DLG2: variants seen among roughly 807,000 people sequenced by gnomAD.
DLG2 encodes the protein discs large MAGUK scaffold protein 2.
DLG2 carries 45 observed loss-of-function variants against 132.5 expected under a neutral mutation model. The observed-to-expected ratio is 0.34, with a 90% confidence interval of 0.27 to 0.44. DLG2 has a LOEUF of 0.44. Among genes scored for constraint, DLG2 ranks in the 20% least tolerant of loss-of-function variants. The pLI is 1.00. For synonymous variants in DLG2, 424 were observed against 419.6 expected, an observed-to-expected ratio of 1.01 and a Z score of -0.13; for missense variants, 1,045 against 1,196.9, an observed-to-expected ratio of 0.87 and a Z score of 1.87.
At chr11:85,392,519 T>C (rs2086888464) in intron 3 of DLG2, among the ~76,000 whole-genome samples, 1 of 151,368 alleles carries the variant, frequency 6.6e-6, no homozygotes, top group Admixed American at 6.6e-5. Flanking sequence ...AGGAACATTA[T>C]ATAATGAAAA....
intron 8 of DLG2, among the ~76,000 whole-genome samples, chr11:84,218,982 C>T (rs565864349): frequency 2.4e-4 from 37 of 152,266 alleles, no homozygotes; most frequent in Middle Eastern, 3.4e-3. Context: ...TTTATTATGG[C>T]AGCTATTGGT....
intron 14 of DLG2, among the ~76,000 whole-genome samples, chr11:83,953,444 T>G (rs982394651): frequency 6.6e-6 from 1 of 152,164 alleles, no homozygotes; most frequent in Non-Finnish European, 1.5e-5. Flanking sequence ...TTATGAGAAT[T>G]GAATGACTGA....
chr11:84,979,252 T>C (rs1350288483), intron 6 of DLG2, among the ~76,000 whole-genome samples: 1 of 152,154 alleles, frequency 6.6e-6, no homozygotes, highest in African/African-American at 2.4e-5. Context: ...AGTGTGGCAA[T>C]TCCTCAGGGA....
At chr11:84,680,876 T>A (rs1411296413) in intron 6 of DLG2, among the ~76,000 whole-genome samples, 1 of 152,196 alleles carries the variant, frequency 6.6e-6, no homozygotes, top group Non-Finnish European at 1.5e-5. Flanking sequence ...GAACCCAAGT[T>A]GAGTACACAG....
intron 7 of DLG2, among the ~76,000 whole-genome samples, chr11:84,367,103 T>C (rs993884815): frequency 5.3e-5 from 8 of 152,082 alleles, no homozygotes; most frequent in African/African-American, 1.7e-4. Flanking sequence ...ATAGAAATTA[T>C]AACAAACTAT....
intron 6 of DLG2, among the ~76,000 whole-genome samples, chr11:84,805,224 G>GC (rs1444916429): frequency 6.6e-6 from 1 of 152,050 alleles, no homozygotes; most frequent in Non-Finnish European, 1.5e-5. Context: ...GAGGAGCCAT[G>GC]CCCCCTTGAG....
intron 7 of DLG2, among the ~76,000 whole-genome samples, chr11:84,509,917 TG>T (rs2099252449): frequency 6.6e-6 from 1 of 151,892 alleles, no homozygotes; most frequent in Non-Finnish European, 1.5e-5. Context: ...AAAACTTCAA[TG>T]GTTGAAAAAT....
intron 3 of DLG2, among the ~76,000 whole-genome samples, chr11:85,339,932 CAAT>C (rs2082372418): frequency 6.6e-6 from 1 of 152,184 alleles, no homozygotes; most frequent in Non-Finnish European, 1.5e-5. Flanking sequence ...ATCAAAACCA[CAAT>C]GAGATACCAT....
chr11:83,814,786 G>T, intron 17 of DLG2: 1 of 220,976 alleles, frequency 4.5e-6, no homozygotes, highest in South Asian at 9.8e-5. Flanking sequence ...TCTAGATCTT[G>T]ATCAATTCCT....
At chr11:84,105,665 G>A (rs767819059) in intron 9 of DLG2, among the ~76,000 whole-genome samples, 2 of 152,124 alleles carry the variant, frequency 1.3e-5, no homozygotes, top group South Asian at 2.1e-4. Context: ...GTAAAGATTA[G>A]GTTATAGTAT....
chr11:84,417,339 G>C (rs1481386299), intron 7 of DLG2, among the ~76,000 whole-genome samples: 1 of 152,200 alleles, frequency 6.6e-6, no homozygotes, highest in Non-Finnish European at 1.5e-5. Context: ...ATGTGAGGTT[G>C]AAATGCAACA....
intron 18 of DLG2, among the ~76,000 whole-genome samples, chr11:83,726,112 T>A (rs570897088): frequency 1.6e-4 from 24 of 152,234 alleles, no homozygotes; most frequent in African/African-American, 2.4e-4. Flanking sequence ...TTTTATTTTT[T>A]AAAAAAAATC....
intron 6 of DLG2, among the ~76,000 whole-genome samples, chr11:85,018,786 CCTT>C (rs939161095): frequency 4.1e-5 from 6 of 145,858 alleles, no homozygotes; most frequent in South Asian, 2.3e-4. Flanking sequence ...AGAAAACATG[CCTT>C]CTTTTTTTTT....
At chr11:85,492,231 G>A (rs1414536277) in intron 3 of DLG2, among the ~76,000 whole-genome samples, 1 of 152,124 alleles carries the variant, frequency 6.6e-6, no homozygotes, top group Non-Finnish European at 1.5e-5. Context: ...TGTGTATTCG[G>A]TTGGTGCAAA....
intron 4 of DLG2, among the ~76,000 whole-genome samples, chr11:85,173,832 A>G (rs1321499324): frequency 6.6e-6 from 1 of 152,206 alleles, no homozygotes; most frequent in Non-Finnish European, 1.5e-5. Context: ...CTAGTTTATG[A>G]TAAAACAGAC....
At chr11:83,808,880 C>A (rs986738865) in intron 17 of DLG2, among the ~76,000 whole-genome samples, 4 of 152,044 alleles carry the variant, frequency 2.6e-5, no homozygotes, top group Non-Finnish European at 4.4e-5. Context: ...CAGGGTCTCA[C>A]CTCTGTGATC....
At chr11:83,517,710 C>T (rs1176834211) in intron 21 of DLG2, among the ~76,000 whole-genome samples, 1 of 152,164 alleles carries the variant, frequency 6.6e-6, no homozygotes, top group Non-Finnish European at 1.5e-5. Context: ...GTGTGGATGT[C>T]CTTTCTGTTT....
intron 7 of DLG2, among the ~76,000 whole-genome samples, chr11:84,279,703 C>T (rs1254043396): frequency 1.3e-5 from 2 of 152,044 alleles, no homozygotes; most frequent in Admixed American, 6.6e-5. Flanking sequence ...CAAACTAACA[C>T]AAGAAGAAAA....
intron 6 of DLG2, among the ~76,000 whole-genome samples, chr11:85,038,056 G>A (rs1046648647): frequency 6.6e-6 from 1 of 152,066 alleles, no homozygotes; most frequent in African/African-American, 2.4e-5. Flanking sequence ...TAAAACCAAT[G>A]CATGTAAATA....
Sources: gnomAD v4.1 joint callset for allele counts (sites outside exome capture counted in the v4.1 genomes callset) on GRCh38, gnomAD v4.1.1 for gene constraint, MANE v1.5 for transcripts, NCBI Gene and HGNC (gene_info 2026-07-23, HGNC 2026-07-21) for gene names.